C1orf141: variants seen among roughly 807,000 people sequenced by gnomAD.
C1orf141 encodes uncharacterized protein C1orf141.
C1orf141 carries 19 observed loss-of-function variants against 23.2 expected under a neutral mutation model. That is an observed-to-expected ratio of 0.82 (90% CI 0.57 to 1.20). The LOEUF (loss-of-function observed/expected upper bound fraction) is 1.20, where lower values mean the gene tolerates loss of function less well. Ranked by LOEUF, C1orf141 falls within the 50% of genes most tolerant of loss-of-function variation. The pLI, the probability that C1orf141 is intolerant of heterozygous loss-of-function variation, is 0.00. For missense variants in C1orf141, 469 were observed against 455.1 expected, an observed-to-expected ratio of 1.03 and a Z score of -0.28; for synonymous variants, 153 against 154.6, an observed-to-expected ratio of 0.99 and a Z score of 0.08.
At chr1:67,103,180 C>T (rs2102432918) in intron 5 of C1orf141, 2 of 933,484 alleles carry the variant, frequency 2.1e-6, no homozygotes, top group Non-Finnish European at 3.0e-6. Flanking sequence ...TGCTTACACA[C>T]TAATTTTAGG....
intron 2 of C1orf141, among the ~76,000 whole-genome samples, chr1:67,127,657 C>T (rs2102497989): frequency 6.6e-6 from 1 of 152,072 alleles, no homozygotes; most frequent in East Asian, 1.9e-4. Flanking sequence ...GTTGTTGAGA[C>T]AGAGTCTTAC....
At chr1:67,108,520 T>C (rs919759693) in intron 5 of C1orf141, among the ~76,000 whole-genome samples, 6 of 152,048 alleles carry the variant, frequency 3.9e-5, no homozygotes, top group African/African-American at 1.4e-4. Flanking sequence ...TCACCTGAGG[T>C]CAGGAGTTCA....
chr1:67,100,745 A>AT (rs60760767), intron 5 of C1orf141, among the ~76,000 whole-genome samples: 16,567 of 152,012 alleles, frequency 0.11, 1,493 homozygotes, highest in African/African-American at 0.25. Context: ...ATAGATGTAC[A>AT]TTTTTTTGAT....
chr1:67,134,620 C>T (rs1570743504), intron 1 of C1orf141, among the ~76,000 whole-genome samples: 1 of 152,224 alleles, frequency 6.6e-6, no homozygotes. Flanking sequence ...ACGCTCTATG[C>T]CTATGGTCGT....
At chr1:67,118,444 T>A (rs207460165) in intron 4 of C1orf141, among the ~76,000 whole-genome samples, 4 of 152,188 alleles carry the variant, frequency 2.6e-5, no homozygotes, top group African/African-American at 9.7e-5. Flanking sequence ...GAGACTGGCA[T>A]CTTATTCCTC....
chr1:67,107,665 GA>G (rs1193073139), intron 5 of C1orf141, among the ~76,000 whole-genome samples: 1 of 152,174 alleles, frequency 6.6e-6, no homozygotes, highest in Non-Finnish European at 1.5e-5. Context: ...GAGGTGAGTG[GA>G]TCACCTGAGG....
chr1:67,118,217 T>C (rs368840684), intron 4 of C1orf141, among the ~76,000 whole-genome samples: 1 of 152,178 alleles, frequency 6.6e-6, no homozygotes, highest in African/African-American at 2.4e-5. Context: ...CAATACATAC[T>C]CTGTATTCTA....
intron 4 of C1orf141, 149 bp downstream of exon 4, chr1:67,125,603 G>A (rs1382686418): frequency 1.3e-6 from 1 of 759,694 alleles, no homozygotes; most frequent in African/African-American, 1.7e-5. Flanking sequence ...GGAGGCCAAG[G>A]TGGGAGAATC....
chr1:67,095,406 C>T lies in C1orf141; in HGVS notation c.432G>A (p.Gln144=). ...GDRNKRKKSP[Q]MNDFNIKENK... ...TTTCTTTTATATTAAAATCGTTCAT[C>T]TGTGGAGATTTTTTTCTGAAAATAA... Residue 144 remains glutamine (Q), a synonymous_variant, in exon 7 of 8, where the codon CAG becomes CAA. Coordinates refer to ENST00000684719, the MANE Select transcript of C1orf141 (RefSeq NM_001276351.2). 1 of 1,534,472 alleles carries T rather than the reference C, an allele frequency of 6.5e-7. No homozygotes were observed.
chr1:67,133,665 A>G (rs558624002), intron 1 of C1orf141, among the ~76,000 whole-genome samples: 5 of 152,332 alleles, frequency 3.3e-5, no homozygotes, highest in African/African-American at 1.2e-4. Context: ...TTGTTAGGGT[A>G]GGCCTCTGGC....
At chr1:67,137,428 G>A (rs764524956), upstream of C1orf141, among the ~76,000 whole-genome samples, 4 of 152,092 alleles carry the variant, frequency 2.6e-5, no homozygotes, top group East Asian at 1.9e-4. Flanking sequence ...TCTGCCACCC[G>A]GGGAAGCTCA....
chr1:67,108,267 C>T (rs146066495), intron 5 of C1orf141, among the ~76,000 whole-genome samples: 4 of 152,158 alleles, frequency 2.6e-5, no homozygotes, highest in Non-Finnish European at 4.4e-5. Flanking sequence ...AGTAAGGGCT[C>T]GCTCTCGGAT....
At chr1:67,111,616 T>A in intron 5 of C1orf141, 10 of 1,388,462 alleles carry the variant, frequency 7.2e-6, no homozygotes, top group Non-Finnish European at 9.6e-6. Flanking sequence ...GTCTAATAGA[T>A]CTTGATTTTA....
chr1:67,113,775 G>T (rs1423495314), intron 5 of C1orf141: 2 of 1,141,710 alleles, frequency 1.8e-6, no homozygotes, highest in African/African-American at 1.6e-5. Flanking sequence ...TTTAAGGAAA[G>T]AAAATGGATT....
intron 5 of C1orf141, chr1:67,103,117 C>A (rs1258695743): frequency 4.0e-6 from 2 of 497,536 alleles, no homozygotes; most frequent in South Asian, 6.0e-5. Context: ...GGAGAAAGAT[C>A]GTTATGGTAG....
upstream of C1orf141, among the ~76,000 whole-genome samples, chr1:67,135,949 A>G (rs1646582177): frequency 6.6e-6 from 1 of 150,430 alleles, no homozygotes; most frequent in African/African-American, 2.4e-5. Flanking sequence ...TAGCAATCCA[A>G]ATTTGGCTAG....
intron 5 of C1orf141, chr1:67,103,515 A>G (rs1570688429): frequency 2.0e-6 from 1 of 489,654 alleles, no homozygotes; most frequent in Admixed American, 4.2e-5. Flanking sequence ...GGTTCTTTAA[A>G]TATTTTAAAA....
intron 2 of C1orf141, among the ~76,000 whole-genome samples, chr1:67,128,903 T>C (rs1646468741): frequency 6.6e-6 from 1 of 152,156 alleles, no homozygotes; most frequent in Non-Finnish European, 1.5e-5. Flanking sequence ...TCTCCTATAT[T>C]GTATATTATT....
intron 2 of C1orf141, among the ~76,000 whole-genome samples, chr1:67,130,280 G>A (rs2102505251): frequency 6.6e-6 from 1 of 152,260 alleles, no homozygotes; most frequent in East Asian, 1.9e-4. Context: ...TGGAGACAAA[G>A]ATTTCTATTT....
Sources: gnomAD v4.1 joint callset for allele counts (sites outside exome capture counted in the v4.1 genomes callset) on GRCh38, gnomAD v4.1.1 for gene constraint, MANE v1.5 for transcripts, NCBI Gene and HGNC (gene_info 2026-07-23, HGNC 2026-07-21) for gene names.